TMPRSS15: variants seen among roughly 807,000 people sequenced by gnomAD.
The protein encoded by TMPRSS15 is enteropeptidase.
TMPRSS15 carries 128 observed loss-of-function variants against 125.3 expected under a neutral mutation model. The ratio of observed to expected loss-of-function variants is 1.02; its 90% CI spans 0.89 to 1.18. The LOEUF (loss-of-function observed/expected upper bound fraction) is 1.18. Ranked by LOEUF, TMPRSS15 falls within the 50% of genes most tolerant of loss-of-function variation. The probability of loss-of-function intolerance (pLI) is 0.00; values close to 1 mark genes in which losing one functional copy is unlikely to be tolerated. For missense variants in TMPRSS15, 1,283 were observed against 1,212.7 expected (o/e 1.06, Z -0.86); for synonymous variants, 446 against 423.2 (o/e 1.05, Z -0.66).
intron 19 of TMPRSS15, among the ~76,000 whole-genome samples, chr21:18,295,425 T>C (rs932618037): frequency 3.3e-5 from 5 of 152,202 alleles, no homozygotes; most frequent in African/African-American, 9.7e-5. Context: ...ACTGCAGATA[T>C]CGGCTACATT....
chr21:18,379,294 A>G lies in TMPRSS15; in HGVS notation c.521T>C (p.Leu174Pro), dbSNP rs1364058581. The G allele has an allele frequency of 7.5e-7, 1 of 1,338,340 alleles. No individual in the cohort carries two copies. The highest frequency in any genetic ancestry group is 9.8e-7 in the Non-Finnish European group (1 of 1,018,712). The allele number at this position is 1,338,340 out of a possible 1,614,324, so 82.9% of individuals were successfully genotyped here. A position where few individuals can be genotyped will look rare whatever the true frequency, so the allele number is the denominator to read the frequency against. Residue 174 changes from leucine to proline, a missense_variant, in exon 5 of 25, where the codon CTG becomes CCG. Leu to Pro is a moderately conservative substitution (Grantham distance 98). Coordinates refer to ENST00000284885, the MANE Select transcript of TMPRSS15 (RefSeq NM_002772.3). ...ILDKLTTTSH[L>P]ATPGNVSIEC... ...TTATTAAAACTGACCTGGAGTTGCC[A>G]GATGACTGGTGGTTGTTAGCTTGTC...
chr21:18,313,138 G>T (rs892926426), intron 17 of TMPRSS15, 61 bp from the exon 18 acceptor site: 51 of 1,199,188 alleles, frequency 4.3e-5, no homozygotes, highest in Non-Finnish European at 5.8e-5. Flanking sequence ...AGTATGGGAA[G>T]ACATCGTTCA....
chr21:18,413,274 T>TTTTTTCTTTC, intron 1 of TMPRSS15, among the ~76,000 whole-genome samples: 1 of 108,042 alleles, frequency 9.3e-6, no homozygotes, highest in East Asian at 5.1e-4. Flanking sequence ...TTCTCTTTCT[T>TTTTTTCTTTC]TTTCTTTTTC....
intron 8 of TMPRSS15, among the ~76,000 whole-genome samples, chr21:18,354,914 A>C (rs2075609350): frequency 6.6e-6 from 1 of 151,836 alleles, no homozygotes. Flanking sequence ...CTGAAAAGAG[A>C]TACTTTTATG....
intron 16 of TMPRSS15, among the ~76,000 whole-genome samples, chr21:18,325,085 C>T (rs557023541): frequency 6.6e-6 from 1 of 152,120 alleles, no homozygotes; most frequent in African/African-American, 2.4e-5. Flanking sequence ...CACACACACA[C>T]ACACACGCTT....
chr21:18,356,392 A>G (rs1006468418), intron 8 of TMPRSS15, among the ~76,000 whole-genome samples: 2 of 151,812 alleles, frequency 1.3e-5, no homozygotes, highest in Non-Finnish European at 2.9e-5. Context: ...AACACGTCTT[A>G]GTGAGTGCCC....
At chr21:18,307,431 T>C (rs1459238569) in intron 18 of TMPRSS15, among the ~76,000 whole-genome samples, 1 of 152,158 alleles carries the variant, frequency 6.6e-6, no homozygotes, top group Non-Finnish European at 1.5e-5. Flanking sequence ...CGTAAGTAAA[T>C]GGAACAGAGC....
At chr21:18,350,341 T>G (rs2075553598) in intron 10 of TMPRSS15, among the ~76,000 whole-genome samples, 1 of 152,184 alleles carries the variant, frequency 6.6e-6, no homozygotes, top group Admixed American at 6.6e-5. Flanking sequence ...ATTTTTTATG[T>G]GAAGGCCCAC....
intron 21 of TMPRSS15, among the ~76,000 whole-genome samples, chr21:18,291,154 ATAGATATCCT>A (rs1215142395): frequency 2.0e-5 from 3 of 152,238 alleles, no homozygotes; most frequent in Non-Finnish European, 4.4e-5. Flanking sequence ...GACAAGCAAG[ATAGATATCCT>A]TATGAGCTTC....
intron 16 of TMPRSS15, among the ~76,000 whole-genome samples, chr21:18,317,441 T>C (rs971603998): frequency 3.7e-5 from 5 of 133,982 alleles, no homozygotes; most frequent in African/African-American, 5.4e-5. Context: ...AGGGGGGGTG[T>C]TTTTATGGGG....
intron 21 of TMPRSS15, among the ~76,000 whole-genome samples, chr21:18,292,248 C>T (rs1378522803): frequency 6.6e-6 from 1 of 152,168 alleles, no homozygotes; most frequent in Admixed American, 6.5e-5. Context: ...ACAAGACCCC[C>T]ATAGAAGAAA....
intron 1 of TMPRSS15, among the ~76,000 whole-genome samples, chr21:18,413,312 T>TTTCTTTCCTTCC (rs1555911458): frequency 0.079 from 7,492 of 94,768 alleles, 602 homozygotes; most frequent in East Asian, 0.18. Context: ...TTTTCTTTCT[T>TTTCTTTCCTTCC]TTCCTTCCTT....
At chr21:18,430,208 AATC>A (rs1363650215) in intron 1 of TMPRSS15, among the ~76,000 whole-genome samples, 1 of 152,232 alleles carries the variant, frequency 6.6e-6, no homozygotes, top group African/African-American at 2.4e-5. Flanking sequence ...GCTGGTGAAT[AATC>A]ATATTTCACA....
At chr21:18,331,040 T>A (rs969054842) in intron 14 of TMPRSS15, among the ~76,000 whole-genome samples, 3 of 129,148 alleles carry the variant, frequency 2.3e-5, no homozygotes, top group African/African-American at 6.0e-5. Context: ...ACCACTGCAC[T>A]CCAGCCTGGG....
intron 1 of TMPRSS15, among the ~76,000 whole-genome samples, chr21:18,423,721 T>A (rs991353057): frequency 1.3e-5 from 2 of 152,034 alleles, no homozygotes; most frequent in African/African-American, 4.8e-5. Context: ...CGGCCTAAAA[T>A]AAATTCCTCA....
At chr21:18,312,149 G>A (rs1169060293) in intron 18 of TMPRSS15, among the ~76,000 whole-genome samples, 1 of 151,986 alleles carries the variant, frequency 6.6e-6, no homozygotes, top group Non-Finnish European at 1.5e-5. Context: ...AAATCATTAA[G>A]GATCAGAATG....
intron 22 of TMPRSS15, among the ~76,000 whole-genome samples, chr21:18,280,773 T>C (rs1013971623): frequency 6.6e-6 from 1 of 152,156 alleles, no homozygotes. Flanking sequence ...CATCTATTTA[T>C]CTGAGCTTCT....
intron 1 of TMPRSS15, among the ~76,000 whole-genome samples, chr21:18,454,485 C>T (rs774747128): frequency 2.6e-5 from 4 of 151,924 alleles, no homozygotes; most frequent in African/African-American, 9.7e-5. Context: ...TGAGAAGTCC[C>T]GTGATATGCC....
chr21:18,484,314 C>T (rs1458339762), intron 1 of TMPRSS15, among the ~76,000 whole-genome samples: 2 of 151,820 alleles, frequency 1.3e-5, no homozygotes, highest in Non-Finnish European at 2.9e-5. Context: ...CAATGCTACT[C>T]CCACAGTGCC....
Sources: allele counts gnomAD v4.1 joint callset (sites outside exome capture counted in the v4.1 genomes callset), GRCh38; gene constraint gnomAD v4.1.1; transcripts MANE v1.5; gene names NCBI Gene and HGNC (gene_info 2026-07-23, HGNC 2026-07-21).